CADM2: variants seen among roughly 807,000 people sequenced by gnomAD.
The protein encoded by CADM2 is cell adhesion molecule 2.
A neutral mutation model predicts 49.8 loss-of-function variants in CADM2; 12 were observed. That is an observed-to-expected ratio of 0.24 (90% CI 0.15 to 0.39). CADM2 has a LOEUF of 0.39. Among genes scored for constraint, CADM2 ranks in the 10% least tolerant of loss-of-function variants. The probability of loss-of-function intolerance (pLI) is 1.00; values close to 1 mark genes in which losing one functional copy is unlikely to be tolerated. For missense variants in CADM2, 378 were observed against 492.3 expected (o/e 0.77, Z 2.20); for synonymous variants, 214 against 175.4 (o/e 1.22, Z -1.74).
intron 2 of CADM2, among the ~76,000 whole-genome samples, 168 bp downstream of exon 2, chr3:85,726,716 A>G (rs2067708953): frequency 6.6e-6 from 1 of 152,068 alleles, no homozygotes; most frequent in African/African-American, 2.4e-5. Flanking sequence ...TCAGTTATCC[A>G]ATTTCTGAGA....
At chr3:85,660,588 A>G (rs2065372047) in intron 1 of CADM2, among the ~76,000 whole-genome samples, 1 of 151,820 alleles carries the variant, frequency 6.6e-6, no homozygotes, top group African/African-American at 2.4e-5. Flanking sequence ...AGACTACTAC[A>G]CTTTGATCAT....
intron 1 of CADM2, among the ~76,000 whole-genome samples, chr3:85,723,185 G>A (rs527694484): frequency 2.6e-5 from 4 of 151,748 alleles, no homozygotes; most frequent in Admixed American, 1.3e-4. Flanking sequence ...ATATTATAAC[G>A]AACAATCTCT....
intron 1 of CADM2, among the ~76,000 whole-genome samples, chr3:85,497,536 A>G (rs1380564803): frequency 3.3e-5 from 5 of 152,162 alleles, no homozygotes; most frequent in Non-Finnish European, 2.9e-5. Flanking sequence ...TTTGGAAGAC[A>G]TTACAAAAAC....
intron 1 of CADM2, among the ~76,000 whole-genome samples, chr3:85,568,873 G>A (rs987870036): frequency 2.6e-5 from 4 of 151,808 alleles, no homozygotes; most frequent in African/African-American, 9.7e-5. Context: ...CTTCCAATAC[G>A]GACAATATTC....
intron 1 of CADM2, among the ~76,000 whole-genome samples, chr3:85,507,225 C>A (rs111377422): frequency 6.7e-6 from 1 of 149,300 alleles, no homozygotes; most frequent in African/African-American, 2.5e-5. Context: ...GCTGTGTCAC[C>A]CAGGCTGGAG....
intron 1 of CADM2, among the ~76,000 whole-genome samples, chr3:85,621,626 A>C (rs781609110): frequency 6.6e-6 from 1 of 152,158 alleles, no homozygotes; most frequent in Non-Finnish European, 1.5e-5. Flanking sequence ...AAGAGACTCA[A>C]GTTTATTCTG....
intron 1 of CADM2, among the ~76,000 whole-genome samples, chr3:85,401,428 A>G (rs1046379940): frequency 6.6e-6 from 1 of 152,162 alleles, no homozygotes; most frequent in Non-Finnish European, 1.5e-5. Flanking sequence ...ACTGTTCTGC[A>G]GATGGCTTGG....
intron 5 of CADM2, among the ~76,000 whole-genome samples, chr3:85,905,079 T>C (rs1716619299): frequency 6.6e-6 from 1 of 152,120 alleles, no homozygotes; most frequent in African/African-American, 2.4e-5. Flanking sequence ...TTTCATTTAG[T>C]TTTTTTCTCT....
At chr3:85,069,265 T>C (rs1387867461) in intron 1 of CADM2, among the ~76,000 whole-genome samples, 1 of 152,158 alleles carries the variant, frequency 6.6e-6, no homozygotes, top group Non-Finnish European at 1.5e-5. Context: ...ATTATAGAAT[T>C]ATAATTTTAA....
At chr3:85,605,649 G>A (rs1427352841) in intron 1 of CADM2, among the ~76,000 whole-genome samples, 2 of 152,022 alleles carry the variant, frequency 1.3e-5, no homozygotes, top group Non-Finnish European at 2.9e-5. Flanking sequence ...TCCGCCTCAT[G>A]AGGAATCATA....
intron 1 of CADM2, among the ~76,000 whole-genome samples, chr3:85,680,355 G>T (rs2066006018): frequency 6.6e-6 from 1 of 152,084 alleles, no homozygotes; most frequent in African/African-American, 2.4e-5. Flanking sequence ...ATAAAGGGCT[G>T]ATCTTGAAAA....
intron 1 of CADM2, among the ~76,000 whole-genome samples, chr3:85,674,747 G>A (rs751312622): frequency 4.6e-5 from 7 of 151,996 alleles, no homozygotes; most frequent in Non-Finnish European, 7.4e-5. Context: ...GTATTGATTT[G>A]CCTGAAAAGT....
intron 8 of CADM2, chr3:85,979,132 G>C: frequency 6.3e-7 from 1 of 1,599,686 alleles, no homozygotes; most frequent in Non-Finnish European, 8.5e-7. Flanking sequence ...TGCATGATAT[G>C]ATTTTGTTTA....
At chr3:85,527,114 G>T (rs960874906) in intron 1 of CADM2, among the ~76,000 whole-genome samples, 7 of 151,982 alleles carry the variant, frequency 4.6e-5, no homozygotes, top group Admixed American at 3.9e-4. Context: ...GGCCAGGCAC[G>T]GTGTCTTACA....
At chr3:85,964,668 C>G (rs1439123363) in intron 8 of CADM2, among the ~76,000 whole-genome samples, 1 of 151,628 alleles carries the variant, frequency 6.6e-6, no homozygotes, top group African/African-American at 2.4e-5. Flanking sequence ...AAGGCCTACC[C>G]AGAGTCACCA....
chr3:85,131,384 GT>G (rs200990668), intron 1 of CADM2, among the ~76,000 whole-genome samples: 2 of 152,152 alleles, frequency 1.3e-5, no homozygotes, highest in Non-Finnish European at 2.9e-5. Context: ...CAAAGACACA[GT>G]TTTTTATTGA....
chr3:85,613,644 T>G (rs1481679569), intron 1 of CADM2, among the ~76,000 whole-genome samples: 1 of 151,624 alleles, frequency 6.6e-6, no homozygotes, highest in Non-Finnish European at 1.5e-5. Flanking sequence ...TAATATAATT[T>G]TTAATTTATT....
chr3:85,242,552 T>G (rs1000304117), intron 1 of CADM2, among the ~76,000 whole-genome samples: 1 of 151,738 alleles, frequency 6.6e-6, no homozygotes, highest in Non-Finnish European at 1.5e-5. Flanking sequence ...ACCAAATTTT[T>G]GAAAAGATTA....
At chr3:85,916,155 A>G (rs572112160) in intron 6 of CADM2, among the ~76,000 whole-genome samples, 2 of 152,220 alleles carry the variant, frequency 1.3e-5, no homozygotes, top group South Asian at 2.1e-4. Context: ...TACTGCCACT[A>G]TGATGAAAGA....
Sources: gnomAD v4.1 joint callset for allele counts (sites outside exome capture counted in the v4.1 genomes callset) on GRCh38, gnomAD v4.1.1 for gene constraint, MANE v1.5 for transcripts, NCBI Gene and HGNC (gene_info 2026-07-23, HGNC 2026-07-21) for gene names.